Variants in RNF220 observed in about 807,000 individuals in gnomAD.
RNF220 encodes the protein E3 ubiquitin-protein ligase RNF220.
RNF220 carries 7 observed loss-of-function variants against 67.1 expected under a neutral mutation model. That is an observed-to-expected ratio of 0.10 (90% CI 0.06 to 0.20). The LOEUF is 0.20. Ranked by LOEUF, RNF220 falls within the 10% of genes least tolerant of loss-of-function variation. RNF220 has a pLI of 1.00. For synonymous variants in RNF220, 270 were observed against 283.2 expected (o/e 0.95, Z 0.47); for missense variants, 565 against 740.3 (o/e 0.76, Z 2.75).
chr1:44,580,131 T>C (rs77815533), intron 2 of RNF220, among the ~76,000 whole-genome samples: 10,048 of 151,014 alleles, frequency 0.067, 653 homozygotes, highest in East Asian at 0.16. Flanking sequence ...ATGGAGAAGG[T>C]TGTCCCTTCA....
At chr1:44,616,551 A>T (rs1248080876) in intron 3 of RNF220, among the ~76,000 whole-genome samples, 1 of 152,166 alleles carries the variant, frequency 6.6e-6, no homozygotes, top group African/African-American at 2.4e-5. Context: ...AACCTAAAGT[A>T]ATCTGACTCC....
At chr1:44,495,790 G>GGT (rs1657291715) in intron 2 of RNF220, among the ~76,000 whole-genome samples, 1 of 152,146 alleles carries the variant, frequency 6.6e-6, no homozygotes, top group South Asian at 2.1e-4. Context: ...GAGGTAAGAG[G>GGT]GTAACAGAAA....
chr1:44,561,037 C>G (rs1357019240), intron 2 of RNF220, among the ~76,000 whole-genome samples: 1 of 152,242 alleles, frequency 6.6e-6, no homozygotes, highest in Non-Finnish European at 1.5e-5. Context: ...CCAAGCTGGA[C>G]TCCTGGGAAT....
At position 44,406,332 on chromosome 1, in the gene RNF220, C is replaced by T. The variant is rs79123747; in HGVS notation, c.-118+802C>T. Among the ~76,000 whole-genome samples, 4,439 of 152,230 alleles carry T rather than the reference C, an allele frequency of 0.029. 524 individuals carry two copies. In the East Asian group the frequency reaches 0.43, roughly 15 times the overall value. On this transcript the variant is annotated intron_variant, in intron 1 of 14. Transcript: ENST00000361799. ...TTCTAAACGCCACCGGTAAACTCCC[C>T]ACTCCTCTGGGCTGGACCGGCCTGG...
chr1:44,438,700 T>C (rs1343233781), intron 2 of RNF220, among the ~76,000 whole-genome samples: 1 of 152,226 alleles, frequency 6.6e-6, no homozygotes, highest in African/African-American at 2.4e-5. Context: ...GAGAATCCTA[T>C]GGACAACCTC....
At chr1:44,465,902 T>C (rs1010629413) in intron 2 of RNF220, among the ~76,000 whole-genome samples, 1 of 152,218 alleles carries the variant, frequency 6.6e-6, no homozygotes, top group Non-Finnish European at 1.5e-5. Flanking sequence ...TGCCTTAATG[T>C]TGATGGCTGC....
At chr1:44,430,767 G>T (rs1394575621) in intron 2 of RNF220, among the ~76,000 whole-genome samples, 1 of 152,176 alleles carries the variant, frequency 6.6e-6, no homozygotes, top group Non-Finnish European at 1.5e-5. Context: ...GGCTGGTCTT[G>T]AACTCCTGAT....
rs576667317 is a variant in RNF220, at chr1:44,624,617, G to GT, written c.805-1679dup. 2.5e-3 allele frequency among the ~76,000 whole-genome samples: 386 copies of GT among 152,176 alleles called. 6 individuals are homozygous for GT. In the South Asian group the frequency reaches 0.039, roughly 15 times the overall value. Reference sequence around the variant, plus strand: ...GACCTAGGCTTTAGGGAAGCAGGTCGTGAGTGGAAGAGGCGAGAGAGAGAA... The same window carrying GT: ...GACCTAGGCTTTAGGGAAGCAGGTCGTTGAGTGGAAGAGGCGAGAGAGAGAA... On this transcript the variant is annotated intron_variant, in intron 4 of 14. Coordinates refer to ENST00000361799, the MANE Select transcript of RNF220 (RefSeq NM_018150.4). This position sits in a 1 kb window ranked among gnomAD's most constrained non-coding sequence, Gnocchi z 4.2.
intron 2 of RNF220, among the ~76,000 whole-genome samples, chr1:44,441,835 A>G (rs1651590847): frequency 6.6e-6 from 1 of 152,230 alleles, no homozygotes; most frequent in South Asian, 2.1e-4. Context: ...TCCAATGTAA[A>G]GGAGACCTGA....
intron 2 of RNF220, among the ~76,000 whole-genome samples, chr1:44,515,450 G>A (rs1659381937): frequency 1.3e-5 from 2 of 152,172 alleles, no homozygotes; most frequent in African/African-American, 4.8e-5. Context: ...GCATGCTCTA[G>A]GAATGAAGAA....
chr1:44,409,766 T>C (rs1164659831), intron 1 of RNF220, among the ~76,000 whole-genome samples: 1 of 152,232 alleles, frequency 6.6e-6, no homozygotes, highest in Non-Finnish European at 1.5e-5. Context: ...GGTTCTGTGT[T>C]TAAACCCATG....
chr1:44,557,969 C>T (rs1663252668), intron 2 of RNF220, among the ~76,000 whole-genome samples: 1 of 152,182 alleles, frequency 6.6e-6, no homozygotes, highest in African/African-American at 2.4e-5. Context: ...CGGCTGAGCC[C>T]TGCGGGTAGG....
chr1:44,603,231 A>G (rs1370782670), intron 2 of RNF220, among the ~76,000 whole-genome samples: 2 of 152,236 alleles, frequency 1.3e-5, no homozygotes, highest in Admixed American at 6.5e-5. Context: ...GCAGTTATCA[A>G]TTCAATTTCA....
chr1:44,650,770 T>A lies in RNF220; in HGVS notation c.1696T>A (p.Leu566Met). 2 of 1,613,594 alleles carry A rather than the reference T, an allele frequency of 1.2e-6. No homozygotes were observed. Among genetic ancestry groups the A allele is most frequent in the Non-Finnish European group, 1.7e-6 (2 of 1,179,940 alleles). ...TAPGDLRRIY[L>M] ...GCCCGGAGACCTGCGGAGGATCTAC[T>A]TGTGAGCTATCTGCCCCAGGCAGGC... Residue 566 changes from leucine to methionine, a missense_variant, in exon 15 of 15, where the codon TTG becomes ATG. Leu to Met is a conservative substitution (Grantham distance 15, BLOSUM62 2). Transcript: ENST00000361799. This position sits in a 1 kb window ranked among gnomAD's most constrained non-coding sequence, Gnocchi z 4.3.
intron 2 of RNF220, among the ~76,000 whole-genome samples, chr1:44,563,523 G>A (rs780887932): frequency 3.1e-4 from 47 of 152,278 alleles, no homozygotes; most frequent in South Asian, 1.0e-3. Flanking sequence ...CTCCTCCCTC[G>A]TTCTTGAAAT....
rs270758 is a variant in RNF220, at chr1:44,569,791, G to A, written c.626-44374G>A. 3.8e-3 allele frequency among the ~76,000 whole-genome samples: 575 copies of A among 152,342 alleles called. 2 individuals carry two copies. The highest frequency in any genetic ancestry group is 0.013 in the African/African-American group (550 of 41,582). On this transcript the variant is annotated intron_variant, in intron 2 of 14. Transcript: ENST00000361799. ...GAAGGCCATGGGGAGCTGAGAAAAG[G>A]AGACAAAAGGGGCATTTCTTTCTAG...
chr1:44,541,081 T>C (rs138787604), intron 2 of RNF220, among the ~76,000 whole-genome samples: 3 of 152,296 alleles, frequency 2.0e-5, no homozygotes, highest in African/African-American at 4.8e-5. Flanking sequence ...TCATGCTTAT[T>C]TCATGGAAGA....
At chr1:44,580,951 A>C (rs1300464092) in intron 2 of RNF220, among the ~76,000 whole-genome samples, 1 of 152,138 alleles carries the variant, frequency 6.6e-6, no homozygotes, top group Non-Finnish European at 1.5e-5. Context: ...TTTTGAATAG[A>C]GCTTCCTAGA....
At chr1:44,603,046 G>A (rs1667037145) in intron 2 of RNF220, among the ~76,000 whole-genome samples, 1 of 152,070 alleles carries the variant, frequency 6.6e-6, no homozygotes, top group African/African-American at 2.4e-5. Context: ...ACCTGCCCAA[G>A]GATCTGTCAC....
Sources: allele counts gnomAD v4.1 joint callset (sites outside exome capture counted in the v4.1 genomes callset), GRCh38; gene constraint gnomAD v4.1.1; non-coding constraint Gnocchi (gnomAD v3.1); transcripts MANE v1.5; gene names NCBI Gene and HGNC (gene_info 2026-07-23, HGNC 2026-07-21).